The following GTF3C1 variants were observed in gnomAD, a reference collection of about 807,000 sequenced individuals.
GTF3C1 encodes the protein general transcription factor IIIC subunit 1.
A neutral mutation model predicts 226.7 loss-of-function variants in GTF3C1; 57 were observed. The observed-to-expected ratio is 0.25, with a 90% CI of 0.20 to 0.31. The LOEUF is 0.31. GTF3C1 is among the 10% of genes least tolerant of loss of function. The pLI, the probability that GTF3C1 is intolerant of heterozygous loss-of-function variation, is 1.00. For synonymous variants in GTF3C1, 1,090 were observed against 1,084.8 expected, an observed-to-expected ratio of 1.00 and a Z score of -0.09; for missense variants, 2,217 against 2,776.1, an observed-to-expected ratio of 0.80 and a Z score of 4.53.
Position 27,463,341 on chromosome 16 carries a change from C to G in GTF3C1, c.5924+200G>C, listed in dbSNP as rs182958431. The G allele has an allele frequency of 1.6e-6, 1 of 620,596 alleles. No homozygotes were observed. 38.4% of individuals were successfully genotyped at this position (620,596 alleles called of 1,614,324 possible). On this transcript the variant is annotated intron_variant, in intron 35 of 36. Transcript: ENST00000356183. The surrounding 1 kb of genome is among the most constrained non-coding windows in gnomAD (Gnocchi z 4.9). Reference sequence around the variant, plus strand: ...AGCGCAGCCCTCATTCCAGGCCGACCTGGGCACTGCCAGTGCTCAGCACGC... The same window carrying G: ...AGCGCAGCCCTCATTCCAGGCCGACGTGGGCACTGCCAGTGCTCAGCACGC...
At chr16:27,500,755 C>CT (rs1357989149) in intron 12 of GTF3C1, among the ~76,000 whole-genome samples, 1 of 152,256 alleles carries the variant, frequency 6.6e-6, no homozygotes, top group Non-Finnish European at 1.5e-5. Flanking sequence ...AAGAGATGTA[C>CT]TGCTCCCATC....
intron 4 of GTF3C1, among the ~76,000 whole-genome samples, chr16:27,535,765 T>A (rs1313961201): frequency 6.6e-6 from 1 of 152,074 alleles, no homozygotes; most frequent in Admixed American, 6.6e-5. Context: ...GGTGCATCGC[T>A]TGAGCCCTGG....
At position 27,493,183 on chromosome 16, in the gene GTF3C1, G is replaced by A; in HGVS notation, c.2876+16C>T. The A allele has an allele frequency of 6.9e-7, 1 of 1,448,874 alleles. No homozygotes were observed. 89.8% of individuals were successfully genotyped at this position (1,448,874 alleles called of 1,614,324 possible). A position where few individuals can be genotyped will look rare whatever the true frequency, so the allele number is the denominator to read the frequency against. On this transcript the variant is annotated intron_variant, in intron 17 of 36. Coordinates refer to ENST00000356183, the MANE Select transcript of GTF3C1 (RefSeq NM_001520.4). ...TTGGACCTGCGACTACTCTGGGTCA[G>A]GTTCAATGGCCTCACCTCTTGTACA...
intron 6 of GTF3C1, among the ~76,000 whole-genome samples, chr16:27,527,108 G>A (rs1256841847): frequency 6.6e-6 from 1 of 152,216 alleles, no homozygotes; most frequent in Non-Finnish European, 1.5e-5. Context: ...TCATGAGGCT[G>A]AGGCAAGAGG....
rs996232139 is a variant in GTF3C1, at chr16:27,462,023, C to T, written c.6117+271G>A. The T allele has an allele frequency of 2.8e-5, 13 of 466,494 alleles. No individual in the cohort carries two copies. The highest frequency in any genetic ancestry group is 1.5e-4 in the South Asian group (4 of 26,466). 28.9% of individuals were successfully genotyped at this position (466,494 alleles called of 1,614,324 possible). Reference sequence around the variant, plus strand: ...CAGCTGCTTGACCCGTGGGGCCCGGCGGACTCATGAGTTAGTGACCCCTGG... The same window carrying T: ...CAGCTGCTTGACCCGTGGGGCCCGGTGGACTCATGAGTTAGTGACCCCTGG... On this transcript the variant is annotated intron_variant, in intron 36 of 36. Transcript: ENST00000356183. This position sits in a 1 kb window ranked among gnomAD's most constrained non-coding sequence, Gnocchi z 4.5.
At chr16:27,502,754 G>A (rs754571830) in intron 11 of GTF3C1, 105 bp downstream of exon 11, 91 of 1,174,438 alleles carry the variant, frequency 7.7e-5, no homozygotes, top group Middle Eastern at 1.9e-4. Flanking sequence ...CAGTGGGACA[G>A]AGATTTGAAT....
chr16:27,495,303 C>A lies in GTF3C1; in HGVS notation c.2540G>T (p.Gly847Val), dbSNP rs1267545370. ...GRAGVRPSSS[G>V]SAWEACSEAP... ...TTCAGAGCAGGCCTCCCAGGCACTT[C>A]CAGAGGAGGACGGCCGGACGCCTGC... is the stretch of plus-strand genomic sequence containing the variant. The change falls in exon 15 of 37, where the codon GGA becomes GTA. Residue 847 changes from glycine to valine, a missense_variant. By Grantham distance (109) the Gly-to-Val change is moderately radical. Coordinates refer to ENST00000356183, the MANE Select transcript of GTF3C1 (RefSeq NM_001520.4). 1.2e-6 allele frequency: 2 copies of A among 1,613,122 alleles called. No individual in the cohort carries two copies.
intron 2 of GTF3C1, 74 bp from the exon 3 acceptor site, chr16:27,538,430 T>C: frequency 1.1e-6 from 1 of 913,438 alleles, no homozygotes; most frequent in Non-Finnish European, 1.6e-6. Context: ...GAAAAAGAAA[T>C]GTGCAGAATC....
rs2141379457 is a variant in GTF3C1, at chr16:27,492,107, A to C, written c.3151+231T>G. ...ACCTACTCAATGAACAAATGAAGAC[A>C]AAGTGCAGCTACTTGGGCTCAACTG... On this transcript the variant is annotated intron_variant, in intron 19 of 36. Transcript: ENST00000356183. The surrounding 1 kb of genome is among the most constrained non-coding windows in gnomAD (Gnocchi z 5.0). Among the ~76,000 whole-genome samples, 1 of 152,332 alleles carries C rather than the reference A, an allele frequency of 6.6e-6. No homozygotes were observed.
At chr16:27,485,490 T>C (rs993060406) in intron 24 of GTF3C1, among the ~76,000 whole-genome samples, 3 of 152,148 alleles carry the variant, frequency 2.0e-5, no homozygotes, top group African/African-American at 7.2e-5. Flanking sequence ...ATTCCGGACA[T>C]GATGGGCAGT....
chr16:27,463,727 C>A lies in GTF3C1; in HGVS notation c.5873-135G>T. 1 of 718,200 alleles carries A rather than the reference C, an allele frequency of 1.4e-6. No individual in the cohort carries two copies. The highest frequency in any genetic ancestry group is 2.5e-6 in the Non-Finnish European group (1 of 397,534). 44.5% of individuals were successfully genotyped at this position (718,200 alleles called of 1,614,324 possible). ...GGGATGAAGTGTCAAAAAAAAAGGA[C>A]AATGAGCATCTCACAGAGCGGCCAC... On this transcript the variant is annotated intron_variant, in intron 34 of 36. Coordinates refer to ENST00000356183, the MANE Select transcript of GTF3C1 (RefSeq NM_001520.4). The surrounding 1 kb of genome is among the most constrained non-coding windows in gnomAD (Gnocchi z 4.9).
intron 6 of GTF3C1, among the ~76,000 whole-genome samples, chr16:27,513,307 G>C (rs140173768): frequency 6.6e-6 from 1 of 152,064 alleles, no homozygotes; most frequent in African/African-American, 2.4e-5. Context: ...GTTTAAAATC[G>C]GCCAGGTGTG....
chr16:27,462,191 G>A lies in GTF3C1; in HGVS notation c.6117+103C>T, dbSNP rs79345912. 2,268 of 772,880 alleles carry A rather than the reference G, an allele frequency of 2.9e-3. 46 individuals are homozygous for A. In the African/African-American group the frequency reaches 0.035, roughly 12 times the overall value. 47.9% of individuals were successfully genotyped at this position (772,880 alleles called of 1,614,324 possible). A position where few individuals can be genotyped will look rare whatever the true frequency, so the allele number is the denominator to read the frequency against. On this transcript the variant is annotated intron_variant, in intron 36 of 36. Transcript: ENST00000356183. The surrounding 1 kb of genome is among the most constrained non-coding windows in gnomAD (Gnocchi z 4.5). ...CTGGGGGAGGAGGTGCAGGCAAGCA[G>A]TATGGTGGTACTGCATGTTGCCTGG...
At chr16:27,466,150 C>T (rs1377638349) in intron 32 of GTF3C1, 1 of 153,676 alleles carries the variant, frequency 6.5e-6, no homozygotes, top group Non-Finnish European at 1.4e-5. Context: ...AACAGCGCAC[C>T]TCACTTCACT....
At chr16:27,472,033 G>A (rs964979010) in intron 29 of GTF3C1, 113 bp from the exon 30 acceptor site, 9 of 873,416 alleles carry the variant, frequency 1.0e-5, no homozygotes, top group South Asian at 6.3e-5. Context: ...GTGACCGATC[G>A]TGGGAGGCCC....
intron 29 of GTF3C1, among the ~76,000 whole-genome samples, chr16:27,473,927 T>C (rs2087914314): frequency 1.3e-5 from 2 of 152,232 alleles, no homozygotes; most frequent in Admixed American, 1.3e-4. Context: ...TCTGTGACTT[T>C]GCTCTTCTCT....
chr16:27,480,929 C>T (rs2088034345), intron 27 of GTF3C1, 150 bp downstream of exon 27: 1 of 641,812 alleles, frequency 1.6e-6, no homozygotes, highest in African/African-American at 1.8e-5. Flanking sequence ...TCAAGTCACC[C>T]ATGAGAGGAG....
chr16:27,547,000 C>A (rs2089174820), intron 1 of GTF3C1, among the ~76,000 whole-genome samples: 1 of 152,062 alleles, frequency 6.6e-6, no homozygotes, highest in Non-Finnish European at 1.5e-5. Context: ...CCTCGGCCTC[C>A]CAAAGTGCTG....
intron 7 of GTF3C1, 73 bp downstream of exon 7, chr16:27,511,676 A>C: frequency 6.7e-7 from 1 of 1,499,962 alleles, no homozygotes; most frequent in South Asian, 1.2e-5. Flanking sequence ...CTCTCTCTCG[A>C]CATGTGGGCA....
Sources: allele counts gnomAD v4.1 joint callset (sites outside exome capture counted in the v4.1 genomes callset), GRCh38; gene constraint gnomAD v4.1.1; non-coding constraint Gnocchi (gnomAD v3.1); transcripts MANE v1.5; gene names NCBI Gene and HGNC (gene_info 2026-07-23, HGNC 2026-07-21).